SEMA6D: variants seen among roughly 807,000 people sequenced by gnomAD.
SEMA6D encodes semaphorin 6D.
Under a neutral mutation model 106.6 loss-of-function variants are expected in SEMA6D, and 35 were observed. The ratio of observed to expected loss-of-function variants is 0.33; its 90% CI spans 0.25 to 0.44. SEMA6D has a LOEUF of 0.44. Ranked by LOEUF, SEMA6D falls within the 20% of genes least tolerant of loss-of-function variation. The pLI is 1.00. For synonymous variants in SEMA6D, 499 were observed against 487.7 expected (o/e 1.02, Z -0.31); for missense variants, 1,185 against 1,345.9 (o/e 0.88, Z 1.87).
At chr15:47,548,707 A>AT (rs1365571835) in intron 3 of SEMA6D, among the ~76,000 whole-genome samples, 1 of 152,136 alleles carries the variant, frequency 6.6e-6, no homozygotes, top group Non-Finnish European at 1.5e-5. Context: ...AAAAATACAC[A>AT]CAGATGTGCA....
chr15:47,228,677 C>A (rs2031981753), intron 1 of SEMA6D, among the ~76,000 whole-genome samples: 1 of 152,052 alleles, frequency 6.6e-6, no homozygotes, highest in Admixed American at 6.6e-5. Flanking sequence ...GGATGCCCTA[C>A]TGAATTGCAG....
At chr15:47,706,723 TTCTCTC>T (rs141488630) in intron 4 of SEMA6D, among the ~76,000 whole-genome samples, 2 of 151,452 alleles carry the variant, frequency 1.3e-5, no homozygotes, top group Non-Finnish European at 2.9e-5. Flanking sequence ...CTCTCTATTT[TTCTCTC>T]TCTCTCTCTC....
At chr15:47,729,421 G>A (rs371264980) in intron 1 of SEMA6D, among the ~76,000 whole-genome samples, 51 of 152,276 alleles carry the variant, frequency 3.3e-4, no homozygotes, top group African/African-American at 1.2e-3. Context: ...AAGGAACAAG[G>A]AGCATTTTGG....
At chr15:47,419,308 C>A (rs1409501127) in intron 2 of SEMA6D, among the ~76,000 whole-genome samples, 1 of 152,096 alleles carries the variant, frequency 6.6e-6, no homozygotes, top group Non-Finnish European at 1.5e-5. Flanking sequence ...CTGATGAAAT[C>A]TCTAAAAGCA....
intron 1 of SEMA6D, among the ~76,000 whole-genome samples, chr15:47,257,000 G>A (rs1045420625): frequency 7.9e-5 from 12 of 151,254 alleles, no homozygotes; most frequent in African/African-American, 1.9e-4. Flanking sequence ...TATTTCTTAC[G>A]TTGTTATACT....
chr15:47,741,545 C>G (rs186647949), intron 1 of SEMA6D, among the ~76,000 whole-genome samples: 1 of 152,112 alleles, frequency 6.6e-6, no homozygotes, highest in Non-Finnish European at 1.5e-5. Context: ...GGAGAAACCT[C>G]GTCTCTACTA....
intron 4 of SEMA6D, among the ~76,000 whole-genome samples, chr15:47,628,811 G>C (rs1046271784): frequency 5.3e-5 from 8 of 151,918 alleles, no homozygotes; most frequent in African/African-American, 1.9e-4. Flanking sequence ...TGAATTCTTT[G>C]CAGAATTAAT....
At chr15:47,261,413 T>G (rs2034071120) in intron 1 of SEMA6D, among the ~76,000 whole-genome samples, 1 of 152,202 alleles carries the variant, frequency 6.6e-6, no homozygotes, top group African/African-American at 2.4e-5. Context: ...AAGTGCATTA[T>G]TTTCCTTTTC....
intron 3 of SEMA6D, among the ~76,000 whole-genome samples, chr15:47,524,958 G>A (rs1335769144): frequency 6.6e-6 from 1 of 152,190 alleles, no homozygotes; most frequent in Non-Finnish European, 1.5e-5. Context: ...GGACACCTGA[G>A]CATCTCTACA....
At chr15:47,714,775 A>T (rs2079080444), upstream of SEMA6D, among the ~76,000 whole-genome samples, 1 of 152,214 alleles carries the variant, frequency 6.6e-6, no homozygotes, top group South Asian at 2.1e-4. Context: ...ATGGAGAAGG[A>T]TCCAATCTAG....
At chr15:47,766,734 C>A (rs1477423970) in intron 16 of SEMA6D, 57 bp downstream of exon 16, 3 of 1,139,138 alleles carry the variant, frequency 2.6e-6, no homozygotes, top group Non-Finnish European at 3.9e-6. Flanking sequence ...ATTTGCACGT[C>A]GACATTATTT....
At chr15:47,577,104 G>A (rs2076168797) in intron 3 of SEMA6D, among the ~76,000 whole-genome samples, 1 of 152,200 alleles carries the variant, frequency 6.6e-6, no homozygotes, top group Admixed American at 6.5e-5. Context: ...ATAAACATTA[G>A]TAAGTGAAAA....
intron 1 of SEMA6D, among the ~76,000 whole-genome samples, chr15:47,269,790 T>C (rs2034476265): frequency 2.0e-5 from 3 of 152,128 alleles, no homozygotes; most frequent in Non-Finnish European, 2.9e-5. Flanking sequence ...TGTTATAATA[T>C]CAGCAGATTA....
intron 1 of SEMA6D, among the ~76,000 whole-genome samples, chr15:47,244,382 C>CCT (rs1004308286): frequency 6.6e-6 from 1 of 152,164 alleles, no homozygotes; most frequent in African/African-American, 2.4e-5. Flanking sequence ...AAGGATTAGT[C>CCT]ATGCATCAAA....
chr15:47,535,434 T>C (rs990740274), intron 3 of SEMA6D, among the ~76,000 whole-genome samples: 3 of 152,114 alleles, frequency 2.0e-5, no homozygotes, highest in Non-Finnish European at 4.4e-5. Context: ...AAGTACCTGA[T>C]GTTAACCACC....
intron 2 of SEMA6D, among the ~76,000 whole-genome samples, chr15:47,415,984 C>T (rs142498104): frequency 1.2e-4 from 18 of 152,110 alleles, no homozygotes; most frequent in South Asian, 6.2e-4. Flanking sequence ...ACATAGTGGC[C>T]CAAATTTTCA....
intron 3 of SEMA6D, chr15:47,527,774 A>T (rs1203105238): frequency 6.6e-6 from 1 of 152,270 alleles, no homozygotes; most frequent in South Asian, 2.1e-4. Context: ...ATTTTTTTTC[A>T]TGAAAATTTC....
At chr15:47,697,734 T>G (rs2078729015) in intron 4 of SEMA6D, among the ~76,000 whole-genome samples, 1 of 152,240 alleles carries the variant, frequency 6.6e-6, no homozygotes, top group Non-Finnish European at 1.5e-5. Flanking sequence ...TCTAATTCCA[T>G]CACTGATTAA....
chr15:47,272,527 A>G (rs1406287265), intron 1 of SEMA6D: 2 of 152,246 alleles, frequency 1.3e-5, no homozygotes, highest in African/African-American at 4.8e-5. Context: ...ATTCTTGATC[A>G]CAGAATAAGG....
Sources: gnomAD v4.1 joint callset for allele counts (sites outside exome capture counted in the v4.1 genomes callset) on GRCh38, gnomAD v4.1.1 for gene constraint, MANE v1.5 for transcripts, NCBI Gene and HGNC (gene_info 2026-07-23, HGNC 2026-07-21) for gene names.